FANCL: variants seen among roughly 807,000 people sequenced by gnomAD.
FANCL encodes the protein FA complementation group L, also known as E3 ubiquitin-protein ligase FANCL.
Under a neutral mutation model 59.4 loss-of-function variants are expected in FANCL, and 69 were observed. The ratio of observed to expected loss-of-function variants is 1.16; its 90% CI spans 0.96 to 1.42. FANCL has a LOEUF of 1.42. Ranked by LOEUF, FANCL falls within the 40% of genes most tolerant of loss-of-function variation. FANCL has a pLI of 0.00. For missense variants in FANCL, 519 were observed against 447.2 expected (o/e 1.16, Z -1.45); for synonymous variants, 180 against 147.1 (o/e 1.22, Z -1.62).
At chr2:58,229,225 A>T (rs1378785123) in intron 3 of FANCL, among the ~76,000 whole-genome samples, 1 of 152,182 alleles carries the variant, frequency 6.6e-6, no homozygotes, top group East Asian at 1.9e-4. Flanking sequence ...AATTCTAAAA[A>T]CTATTTTTCT....
Position 58,159,314 on chromosome 2 carries a change from T to TAACA in FANCL, c.*447_*450dup. 1 of 1,506,606 alleles carries TAACA rather than the reference T, an allele frequency of 6.6e-7. No individual in the cohort carries two copies. Among genetic ancestry groups the TAACA allele is most frequent in the Non-Finnish European group, 9.0e-7 (1 of 1,115,378 alleles). 93.3% of individuals were successfully genotyped at this position (1,506,606 alleles called of 1,614,324 possible). ...AATAAATACTTGGATAACTCACGTCTAACAAACTAAACTATATATGTATTT... is the reference window on the plus strand; with the variant it reads ...AATAAATACTTGGATAACTCACGTCTAACAAACAAACTAAACTATATATGTATTT... On this transcript the variant is annotated 3_prime_UTR_variant, in exon 14 of 14. Coordinates refer to ENST00000233741, the MANE Select transcript of FANCL (RefSeq NM_018062.4).
intron 1 of FANCL, among the ~76,000 whole-genome samples, chr2:58,238,110 A>G (rs894164798): frequency 6.6e-6 from 1 of 152,236 alleles, no homozygotes; most frequent in African/African-American, 2.4e-5. Context: ...GACAGCTCTG[A>G]ATGCAGCCCA....
At chr2:58,234,731 T>C (rs777166171) in intron 1 of FANCL, among the ~76,000 whole-genome samples, 1 of 152,026 alleles carries the variant, frequency 6.6e-6, no homozygotes. Flanking sequence ...CCAGAGTCTC[T>C]AGGTAAAAGA....
intron 7 of FANCL, chr2:58,194,342 T>C: frequency 2.1e-6 from 1 of 469,480 alleles, no homozygotes; most frequent in Non-Finnish European, 4.4e-6. Context: ...CATTTAGGCA[T>C]TCTACAGTCT....
chr2:58,226,913 G>C, intron 3 of FANCL, 129 bp from the exon 4 acceptor site: 2 of 758,324 alleles, frequency 2.6e-6, no homozygotes, highest in South Asian at 1.7e-5. Context: ...AAAACTATAA[G>C]AAATGAAGTA....
chr2:58,208,619 A>C (rs1690818898), intron 5 of FANCL, among the ~76,000 whole-genome samples: 2 of 152,194 alleles, frequency 1.3e-5, no homozygotes, highest in African/African-American at 4.8e-5. Flanking sequence ...TATTAACATC[A>C]ACAGGCAGAC....
rs748896681 is a variant in FANCL, at chr2:58,159,314, TAACA to T, written c.*447_*450del. ...AATAAATACTTGGATAACTCACGTC[TAACA>T]AACTAAACTATATATGTATTTTTTC... On this transcript the variant is annotated 3_prime_UTR_variant, in exon 14 of 14. Transcript: ENST00000233741. The T allele has an allele frequency of 3.5e-4, 521 of 1,506,482 alleles. No individual in the cohort carries two copies. The highest frequency in any genetic ancestry group is 4.5e-4 in the Non-Finnish European group (499 of 1,115,380). 93.3% of individuals were successfully genotyped at this position (1,506,482 alleles called of 1,614,324 possible).
chr2:58,165,288 T>G (rs1685779553), intron 8 of FANCL, among the ~76,000 whole-genome samples: 2 of 152,210 alleles, frequency 1.3e-5, no homozygotes, highest in Non-Finnish European at 2.9e-5. Flanking sequence ...TTCAGTGGCA[T>G]GGTCTACTGC....
At chr2:58,180,773 T>C (rs1004255146) in intron 7 of FANCL, among the ~76,000 whole-genome samples, 7 of 151,960 alleles carry the variant, frequency 4.6e-5, no homozygotes, top group Non-Finnish European at 1.0e-4. Flanking sequence ...CGGTCTCACA[T>C]CTCACCAGAG....
chr2:58,198,274 G>A (rs150089848), intron 7 of FANCL, among the ~76,000 whole-genome samples: 146 of 152,102 alleles, frequency 9.6e-4, no homozygotes, highest in East Asian at 7.7e-3. Flanking sequence ...CCCTACCCAC[G>A]GATTCCACAT....
At chr2:58,230,248 G>A (rs1346641359) in intron 2 of FANCL, among the ~76,000 whole-genome samples, 4 of 152,150 alleles carry the variant, frequency 2.6e-5, no homozygotes, top group Non-Finnish European at 5.9e-5. Context: ...GAAAAAGCAT[G>A]TGTAGCAATA....
At chr2:58,176,904 A>C (rs934211974) in intron 7 of FANCL, among the ~76,000 whole-genome samples, 38 of 152,264 alleles carry the variant, frequency 2.5e-4, no homozygotes, top group Admixed American at 2.4e-3. Context: ...TAATATCCAG[A>C]ATCTACAAAG....
At position 58,179,314 on chromosome 2, in the gene FANCL, T is replaced by C. The variant is rs1036169206; in HGVS notation, c.541-13440A>G. On this transcript the variant is annotated intron_variant, in intron 7 of 13. Coordinates refer to ENST00000233741, the MANE Select transcript of FANCL (RefSeq NM_018062.4). Reference sequence around the variant, plus strand: ...AAAAAGAACAAAGCTGGAAGCATCATGCTACCTGACTTCAAACTATACTGC... The same window carrying C: ...AAAAAGAACAAAGCTGGAAGCATCACGCTACCTGACTTCAAACTATACTGC... Among the ~76,000 whole-genome samples, 7 of 152,102 alleles carry C rather than the reference T, an allele frequency of 4.6e-5. 1 individual carries two copies. The highest frequency in any genetic ancestry group is 1.0e-4 in the Non-Finnish European group (7 of 67,994).
Position 58,186,767 on chromosome 2 carries a change from G to A in FANCL, c.540+11827C>T, listed in dbSNP as rs533378114. 1.4e-3 allele frequency among the ~76,000 whole-genome samples: 209 copies of A among 152,264 alleles called. 3 individuals are homozygous for A. The highest frequency in any genetic ancestry group is 4.0e-4 in the Non-Finnish European group (27 of 68,016). On this transcript the variant is annotated intron_variant, in intron 7 of 13. Coordinates refer to ENST00000233741, the MANE Select transcript of FANCL (RefSeq NM_018062.4). ...CTGGGGCAAAAAGAAGTAAAGTGGC[G>A]GAACCGCAGTGAATTGTTTTGTCAA...
chr2:58,196,274 A>C (rs958002885), intron 7 of FANCL, among the ~76,000 whole-genome samples: 1 of 152,104 alleles, frequency 6.6e-6, no homozygotes, highest in Non-Finnish European at 1.5e-5. Context: ...AAAGGGGGTC[A>C]GGTCTTAGCT....
chr2:58,211,176 G>A (rs1025540734), intron 5 of FANCL, among the ~76,000 whole-genome samples: 6 of 152,224 alleles, frequency 3.9e-5, no homozygotes, highest in African/African-American at 1.4e-4. Flanking sequence ...TGGGCATCCA[G>A]GAATTTCCAT....
chr2:58,186,143 C>A (rs984164107), intron 7 of FANCL, among the ~76,000 whole-genome samples: 1 of 152,094 alleles, frequency 6.6e-6, no homozygotes, highest in Admixed American at 6.6e-5. Flanking sequence ...CCTAGTGCAG[C>A]CTTTGATTTA....
chr2:58,202,443 G>A (rs1690136729), intron 6 of FANCL, among the ~76,000 whole-genome samples: 2 of 150,666 alleles, frequency 1.3e-5, no homozygotes, highest in African/African-American at 4.9e-5. Flanking sequence ...TGAAAGCTAA[G>A]CTAAATTGAG....
chr2:58,187,964 C>A (rs1688570852), intron 7 of FANCL, among the ~76,000 whole-genome samples: 1 of 152,056 alleles, frequency 6.6e-6, no homozygotes, highest in Non-Finnish European at 1.5e-5. Flanking sequence ...CTTTTTTGGA[C>A]CTTGCATTTG....
Sources: gnomAD v4.1 joint callset for allele counts (sites outside exome capture counted in the v4.1 genomes callset) on GRCh38, gnomAD v4.1.1 for gene constraint, MANE v1.5 for transcripts, NCBI Gene and HGNC (gene_info 2026-07-23, HGNC 2026-07-21) for gene names.